COL25A1: variants seen among roughly 807,000 people sequenced by gnomAD.
COL25A1 encodes collagen alpha-1(XXV) chain.
A neutral mutation model predicts 128.4 loss-of-function variants in COL25A1; 103 were observed. The ratio of observed to expected loss-of-function variants is 0.80; its 90% CI spans 0.68 to 0.94. The LOEUF (loss-of-function observed/expected upper bound fraction) is 0.94. Among genes scored for constraint, COL25A1 ranks in the 40% least tolerant of loss-of-function variants. COL25A1 has a pLI of 0.00. For missense variants in COL25A1, 745 were observed against 840.0 expected (o/e 0.89, Z 1.40); for synonymous variants, 279 against 277.2 (o/e 1.01, Z -0.06).
chr4:109,037,695 G>A (rs1001075216), intron 5 of COL25A1, among the ~76,000 whole-genome samples: 34 of 152,158 alleles, frequency 2.2e-4, no homozygotes, highest in African/African-American at 8.2e-4. Flanking sequence ...GCTGGCCCAC[G>A]TGTCACTTCT....
rs1758846103 is a variant in COL25A1, at chr4:109,031,387, A to G, written c.420+16781T>C. Among the ~76,000 whole-genome samples, 3 of 152,190 alleles carry G rather than the reference A, an allele frequency of 2.0e-5. No individual in the cohort carries two copies. The South Asian group carries it at 6.2e-4, about 31-fold the overall frequency. ...CGCCTCGGCCTCCCAAAGTGCTAGG[A>G]TTACAGGCGTGAGCCACCGCGCCAG... On this transcript the variant is annotated intron_variant, in intron 5 of 37. Transcript: ENST00000399132.
At chr4:108,914,810 CG>C (rs1744678706) in intron 13 of COL25A1, among the ~76,000 whole-genome samples, 1 of 152,006 alleles carries the variant, frequency 6.6e-6, no homozygotes, top group Admixed American at 6.6e-5. Flanking sequence ...TGAGCCACTG[CG>C]CCCAGCCTGC....
At chr4:109,030,701 G>C (rs1290344093) in intron 5 of COL25A1, among the ~76,000 whole-genome samples, 1 of 152,114 alleles carries the variant, frequency 6.6e-6, no homozygotes, top group African/African-American at 2.4e-5. Context: ...CAGGCTTCCA[G>C]GTGTACCACA....
intron 3 of COL25A1, among the ~76,000 whole-genome samples, chr4:109,158,864 C>T (rs1169931178): frequency 1.3e-5 from 2 of 152,134 alleles, no homozygotes; most frequent in Non-Finnish European, 2.9e-5. Flanking sequence ...CCATGGTTAC[C>T]TTGCTCTCAT....
chr4:109,042,758 C>T (rs1432997224), intron 5 of COL25A1, among the ~76,000 whole-genome samples: 2 of 151,584 alleles, frequency 1.3e-5, no homozygotes, highest in Non-Finnish European at 2.9e-5. Flanking sequence ...AATTTTATAC[C>T]TAGTTTTCTT....
chr4:108,815,450 T>C (rs1031104741), intron 37 of COL25A1, among the ~76,000 whole-genome samples: 2 of 152,200 alleles, frequency 1.3e-5, no homozygotes, highest in Admixed American at 1.3e-4. Context: ...AACGTTTTCA[T>C]TTTCTAAATT....
chr4:109,288,968 C>T (rs2346034), intron 3 of COL25A1, among the ~76,000 whole-genome samples: 1,291 of 96,836 alleles, frequency 0.013, 10 homozygotes, highest in South Asian at 0.025. Flanking sequence ...TATATACACA[C>T]ACACACACAC....
chr4:109,227,928 C>T (rs929216434), intron 3 of COL25A1, among the ~76,000 whole-genome samples: 9 of 152,048 alleles, frequency 5.9e-5, no homozygotes, highest in African/African-American at 9.7e-5. Context: ...CACATTTGAA[C>T]GCCTCAGAAC....
chr4:109,019,367 CACACACACATATAT>C (rs1315658033), intron 5 of COL25A1, among the ~76,000 whole-genome samples: 1,999 of 110,704 alleles, frequency 0.018, 88 homozygotes, highest in Admixed American at 0.069. Flanking sequence ...CACACACACA[CACACACACATATAT>C]ATATATATAT....
intron 20 of COL25A1, among the ~76,000 whole-genome samples, chr4:108,868,379 A>G (rs889332910): frequency 6.6e-6 from 1 of 152,082 alleles, no homozygotes; most frequent in African/African-American, 2.4e-5. Context: ...TTCATTCTCT[A>G]TTAGGCAAAA....
rs370775279 is a variant in COL25A1 at position 108,847,286 on chromosome 4, T to C, written c.1435-1067A>G. 3.9e-5 allele frequency among the ~76,000 whole-genome samples: 6 copies of C among 152,176 alleles called. No homozygotes were observed. The East Asian group carries it at 5.8e-4, about 15-fold the overall frequency. ...TAGGAAACTCACTTCAATATACTAA[T>C]GGCTCATTCTTCAGTAGAGATGATC... On this transcript the variant is annotated intron_variant, in intron 27 of 37. Coordinates refer to ENST00000399132, the MANE Select transcript of COL25A1 (RefSeq NM_198721.4).
intron 3 of COL25A1, among the ~76,000 whole-genome samples, chr4:109,104,319 G>A (rs1469208080): frequency 1.3e-5 from 2 of 152,018 alleles, no homozygotes; most frequent in Admixed American, 6.6e-5. Context: ...GTTACAGTGA[G>A]CTATAACTGT....
chr4:108,823,874 GA>G (rs1732060716), intron 35 of COL25A1: 5 of 1,350,070 alleles, frequency 3.7e-6, no homozygotes, highest in South Asian at 1.7e-5. Flanking sequence ...TTTTTAAAAT[GA>G]TTTTTTTTTC....
intron 3 of COL25A1, among the ~76,000 whole-genome samples, chr4:109,127,316 A>G (rs3108961): frequency 1.3e-3 from 201 of 152,232 alleles, no homozygotes; most frequent in African/African-American, 4.6e-3. Flanking sequence ...ATTCTTTCCA[A>G]TACTCAAGGA....
intron 3 of COL25A1, among the ~76,000 whole-genome samples, chr4:109,133,355 C>A (rs1769405053): frequency 6.6e-6 from 1 of 151,910 alleles, no homozygotes; most frequent in Non-Finnish European, 1.5e-5. Context: ...TTACTATTAT[C>A]TGATATTGTC....
intron 13 of COL25A1, among the ~76,000 whole-genome samples, chr4:108,907,761 C>T (rs1051168332): frequency 6.6e-6 from 1 of 152,038 alleles, no homozygotes; most frequent in Non-Finnish European, 1.5e-5. Flanking sequence ...TCAATTTTAT[C>T]GTTTCTTTTC....
chr4:108,893,789 T>C (rs934541778), intron 16 of COL25A1, among the ~76,000 whole-genome samples: 8 of 152,162 alleles, frequency 5.3e-5, no homozygotes, highest in African/African-American at 1.9e-4. Context: ...GTTTCCAACA[T>C]GCTGGAAACA....
At chr4:108,932,868 A>G (rs1431269845) in intron 11 of COL25A1, among the ~76,000 whole-genome samples, 2 of 152,214 alleles carry the variant, frequency 1.3e-5, no homozygotes, top group Non-Finnish European at 2.9e-5. Flanking sequence ...ATCACTTCCA[A>G]TTATGGTCAT....
In COL25A1 at chr4:109,146,059, ACAAT is replaced by A. The variant is rs1489757055; in HGVS notation, c.368-95884_368-95881del. Among the ~76,000 whole-genome samples, 13 of 152,326 alleles carry A rather than the reference ACAAT, an allele frequency of 8.5e-5. 1 individual carries two copies. The highest frequency in any genetic ancestry group is 3.1e-4 in the African/African-American group (13 of 41,576). On this transcript the variant is annotated intron_variant, in intron 3 of 37. Coordinates refer to ENST00000399132, the MANE Select transcript of COL25A1 (RefSeq NM_198721.4). ...ACTTAATTTCTGTAACTTAATATAAACAATCAAATAAATTCTTCATTAACATTTT... is the reference window on the plus strand; with the variant it reads ...ACTTAATTTCTGTAACTTAATATAAACAAATAAATTCTTCATTAACATTTT...
Sources: allele counts gnomAD v4.1 joint callset (sites outside exome capture counted in the v4.1 genomes callset), GRCh38; gene constraint gnomAD v4.1.1; transcripts MANE v1.5; gene names NCBI Gene and HGNC (gene_info 2026-07-23, HGNC 2026-07-21).